The following ALG5 variants were observed in gnomAD, a reference collection of about 807,000 sequenced individuals.
The protein encoded by ALG5 is dolichyl-phosphate beta-glucosyltransferase.
A neutral mutation model predicts 51.8 loss-of-function variants in ALG5; 26 were observed. The ratio of observed to expected loss-of-function variants is 0.50; its 90% confidence interval spans 0.37 to 0.70. The LOEUF (loss-of-function observed/expected upper bound fraction) is 0.70, where lower values mean the gene tolerates loss of function less well. Among genes scored for constraint, ALG5 ranks in the 30% least tolerant of loss-of-function variants. The pLI, the probability that ALG5 is intolerant of heterozygous loss-of-function variation, is 0.00. For missense variants in ALG5, 311 were observed against 399.3 expected (o/e 0.78, Z 1.88); for synonymous variants, 141 against 136.1 (o/e 1.04, Z -0.25).
At chr13:36,982,176 T>C (rs2058982839) in intron 6 of ALG5, among the ~76,000 whole-genome samples, 1 of 152,224 alleles carries the variant, frequency 6.6e-6, no homozygotes, top group Non-Finnish European at 1.5e-5. Context: ...AAAACAGCTT[T>C]GACTCTCTGA....
intron 1 of ALG5, among the ~76,000 whole-genome samples, 177 bp from the exon 2 acceptor site, chr13:36,995,773 C>T (rs2059046848): frequency 6.6e-6 from 1 of 152,204 alleles, no homozygotes; most frequent in Admixed American, 6.5e-5. Flanking sequence ...GAGTCCCCTA[C>T]TTATGAACGA....
At chr13:36,953,743 T>C (rs554804945) in intron 8 of ALG5, among the ~76,000 whole-genome samples, 11 of 152,224 alleles carry the variant, frequency 7.2e-5, no homozygotes, top group Non-Finnish European at 1.3e-4. Context: ...ATTAGGTAAA[T>C]AGTTTAAATT....
chr13:36,974,434 C>T (rs538175799), intron 6 of ALG5, among the ~76,000 whole-genome samples: 230 of 152,188 alleles, frequency 1.5e-3, no homozygotes, highest in Non-Finnish European at 3.0e-3. Flanking sequence ...CATGAATTAT[C>T]TTACTACCTA....
At chr13:36,960,449 A>C (rs865822788) in intron 8 of ALG5, among the ~76,000 whole-genome samples, 15 of 152,206 alleles carry the variant, frequency 9.9e-5, no homozygotes, top group African/African-American at 2.7e-4. Flanking sequence ...TAATATATAA[A>C]ATTATAACAC....
chr13:36,953,937 T>C (rs1193011741), intron 8 of ALG5, among the ~76,000 whole-genome samples: 1 of 152,184 alleles, frequency 6.6e-6, no homozygotes, highest in Non-Finnish European at 1.5e-5. Flanking sequence ...CTAATGATAC[T>C]TGATAACCTG....
intron 1 of ALG5, among the ~76,000 whole-genome samples, chr13:36,997,489 GAC>G (rs1485508288): frequency 9.0e-6 from 1 of 110,688 alleles, no homozygotes; most frequent in African/African-American, 3.4e-5. Context: ...AAAAAAAAAA[GAC>G]AAGGAAAAGA....
chr13:36,964,021 C>G (rs376390830), intron 8 of ALG5, among the ~76,000 whole-genome samples: 1 of 151,934 alleles, frequency 6.6e-6, no homozygotes, highest in Non-Finnish European at 1.5e-5. Context: ...ATGCTTTAAT[C>G]GAGAAAAAGA....
intron 6 of ALG5, 70 bp from the exon 7 acceptor site, chr13:36,972,106 G>C (rs1157193694): frequency 3.6e-5 from 43 of 1,189,760 alleles, no homozygotes; most frequent in Non-Finnish European, 4.6e-5. Context: ...TTTTCAATGA[G>C]AATATCTCAT....
intron 1 of ALG5, chr13:36,999,029 G>A: frequency 2.3e-6 from 1 of 435,310 alleles, no homozygotes; most frequent in Non-Finnish European, 4.0e-6. Context: ...AGCACACAAA[G>A]AGATAAGATT....
intron 7 of ALG5, chr13:36,967,859 G>A (rs2058902331): frequency 8.9e-7 from 1 of 1,119,108 alleles, no homozygotes; most frequent in Non-Finnish European, 1.2e-6. Context: ...AAAATTAAAG[G>A]TAGAAAAACA....
At position 36,989,531 on chromosome 13, in the gene ALG5, C is replaced by T. The variant is rs1410337451; in HGVS notation, c.400G>A (p.Val134Met). 1.2e-6 allele frequency: 2 copies of T among 1,613,028 alleles called. No homozygotes were observed. The highest frequency in any genetic ancestry group is 1.7e-6 in the Non-Finnish European group (2 of 1,179,392). The change falls in exon 5 of 10, where the codon GTG (valine) becomes ATG (methionine). Residue 134 changes from valine (V) to methionine (M), a missense_variant. Physicochemically the swap from Val to Met is conservative, Grantham distance 21. Transcript: ENST00000239891. The part of the protein sequence containing the change: ...CQKYGSDKVR[V>M]ITLVKNRGKG... ...CCACGATTCTTCACCAGGGTTATCA[C>T]ACGTACTTTGTCACTTCCATATTTC... is the stretch of plus-strand genomic sequence containing the variant.
intron 5 of ALG5, among the ~76,000 whole-genome samples, chr13:36,986,045 G>A (rs182995672): frequency 6.6e-6 from 1 of 152,152 alleles, no homozygotes; most frequent in East Asian, 1.9e-4. Flanking sequence ...AATAAAAAAC[G>A]GACAGTACGT....
intron 8 of ALG5, among the ~76,000 whole-genome samples, chr13:36,958,758 C>T (rs1439546608): frequency 1.3e-5 from 2 of 152,140 alleles, no homozygotes; most frequent in Non-Finnish European, 1.5e-5. Flanking sequence ...TAACTCAGCT[C>T]ACACCCAACC....
chr13:36,979,401 T>C (rs1005061601), intron 6 of ALG5, among the ~76,000 whole-genome samples: 4 of 152,128 alleles, frequency 2.6e-5, no homozygotes, highest in Non-Finnish European at 5.9e-5. Context: ...TACCCATATA[T>C]TGAGAGGGTG....
intron 7 of ALG5, 39 bp from the exon 8 acceptor site, chr13:36,965,765 A>T: frequency 1.3e-6 from 2 of 1,589,396 alleles, no homozygotes; most frequent in Non-Finnish European, 1.7e-6. Context: ...TTTTCCATTC[A>T]TCTGTAAAGG....
At chr13:36,986,755 T>A (rs192919561) in intron 5 of ALG5, among the ~76,000 whole-genome samples, 1 of 152,056 alleles carries the variant, frequency 6.6e-6, no homozygotes, top group Non-Finnish European at 1.5e-5. Flanking sequence ...TGAGACTCCA[T>A]CTCTACAAAA....
intron 8 of ALG5, among the ~76,000 whole-genome samples, chr13:36,953,217 T>C (rs565435326): frequency 1.8e-3 from 268 of 152,332 alleles, no homozygotes; most frequent in African/African-American, 6.2e-3. Context: ...AATTAATACA[T>C]ACATAGGAAT....
chr13:36,993,740 C>G, intron 3 of ALG5, 68 bp from the exon 4 acceptor site: 1 of 1,315,020 alleles, frequency 7.6e-7, no homozygotes, highest in Non-Finnish European at 1.1e-6. Context: ...ATCAAATCAC[C>G]AGTAATTTAA....
chr13:36,955,820 A>G (rs2058837640), intron 8 of ALG5, among the ~76,000 whole-genome samples: 1 of 152,122 alleles, frequency 6.6e-6, no homozygotes, highest in Admixed American at 6.6e-5. Context: ...TTATATCAAA[A>G]AACTAAAACA....
Sources: allele counts gnomAD v4.1 joint callset (sites outside exome capture counted in the v4.1 genomes callset), GRCh38; gene constraint gnomAD v4.1.1; transcripts MANE v1.5; gene names NCBI Gene and HGNC (gene_info 2026-07-23, HGNC 2026-07-21).